ZNF469: variants seen among roughly 807,000 people sequenced by gnomAD.
ZNF469 encodes zinc finger protein 469.
A neutral mutation model predicts 1.0 loss-of-function variants in ZNF469; 1 was observed. The ratio of observed to expected loss-of-function variants is 1.00; its 90% CI spans 0.35 to 4.73. ZNF469 has a LOEUF of 4.73. Ranked by LOEUF, ZNF469 falls within the 30% of genes most tolerant of loss-of-function variation. The pLI is 0.16. For missense variants in ZNF469, 6,100 were observed against 5,356.3 expected (o/e 1.14, Z -4.33); for synonymous variants, 2,703 against 2,363.4 (o/e 1.14, Z -4.17).
At chr16:88,122,119 C>T in the ZNF469 span, among the ~76,000 whole-genome samples, 1 of 138,060 alleles carries the variant, frequency 7.2e-6, no homozygotes. Context: ...CTGTCACTCA[C>T]TGTGGCCACA....
the ZNF469 span, among the ~76,000 whole-genome samples, chr16:88,358,788 G>C: frequency 7.7e-3 from 1,160 of 151,070 alleles, 16 homozygotes; most frequent in African/African-American, 0.027. Flanking sequence ...GTGTGATCTC[G>C]GCTCACTGCA....
chr16:88,132,408 C>T, the ZNF469 span, among the ~76,000 whole-genome samples: 1 of 152,208 alleles, frequency 6.6e-6, no homozygotes, highest in East Asian at 1.9e-4. Flanking sequence ...TCAGCCCACC[C>T]AGAGCGCCGC....
rs1036681916 is a variant in ZNF469, at chr16:88,393,084, C to T, written c.-192+9830C>T. Among the ~76,000 whole-genome samples the T allele has an allele frequency of 5.9e-5, 9 of 152,400 alleles. No homozygotes were observed. In the East Asian group the frequency reaches 7.7e-4, roughly 13 times the overall value. ...TGCAATCTCAGTAAACATCTGGCCG[C>T]AGGGCCTGGCAGGAAGCTGACCTCG... On this transcript the variant is annotated intron_variant, in intron 1 of 2. Transcript: ENST00000565624.
the ZNF469 span, among the ~76,000 whole-genome samples, chr16:88,280,653 T>C: frequency 6.6e-6 from 1 of 151,400 alleles, no homozygotes; most frequent in Admixed American, 6.6e-5. Flanking sequence ...CATGGGTTAG[T>C]GTTGTGCCAC....
chr16:88,223,214 G>A, the ZNF469 span, among the ~76,000 whole-genome samples: 12 of 152,194 alleles, frequency 7.9e-5, no homozygotes, highest in Non-Finnish European at 1.8e-4. Context: ...GGAGAAAACT[G>A]AACCATGGGG....
the ZNF469 span, among the ~76,000 whole-genome samples, chr16:88,105,996 CA>C: frequency 1.3e-5 from 2 of 152,260 alleles, no homozygotes; most frequent in Non-Finnish European, 2.9e-5. Context: ...GGCACGGGCC[CA>C]GTAAGCTGCT....
chr16:88,311,227 A>G, the ZNF469 span, among the ~76,000 whole-genome samples: 1 of 152,220 alleles, frequency 6.6e-6, no homozygotes, highest in Admixed American at 6.5e-5. Flanking sequence ...TCAGGGGTCT[A>G]CATCATCAAC....
the ZNF469 span, among the ~76,000 whole-genome samples, chr16:88,180,198 A>T: frequency 6.6e-6 from 1 of 152,234 alleles, no homozygotes; most frequent in African/African-American, 2.4e-5. Context: ...CGAGACAAAT[A>T]CAAAATAAAT....
At chr16:88,249,520 T>TCCAC in the ZNF469 span, among the ~76,000 whole-genome samples, 1 of 133,392 alleles carries the variant, frequency 7.5e-6, no homozygotes, top group African/African-American at 2.8e-5. Context: ...CACTGCAAGC[T>TCCAC]CCACCTCCCT....
At chr16:88,299,252 A>G in the ZNF469 span, among the ~76,000 whole-genome samples, 1 of 143,278 alleles carries the variant, frequency 7.0e-6, no homozygotes, top group East Asian at 2.1e-4. Flanking sequence ...GCGGCGGGGT[A>G]GGCTTCCTGG....
chr16:88,368,663 G>T, the ZNF469 span, among the ~76,000 whole-genome samples: 978 of 151,990 alleles, frequency 6.4e-3, 10 homozygotes, highest in African/African-American at 0.023. Context: ...AGAGAGAGTG[G>T]CCTGGGAGAC....
the ZNF469 span, among the ~76,000 whole-genome samples, chr16:88,285,529 G>C: frequency 0.023 from 3,440 of 152,378 alleles, 123 homozygotes; most frequent in African/African-American, 0.077. Flanking sequence ...GCCTGGTCAC[G>C]AGGTGAGGCC....
the ZNF469 span, among the ~76,000 whole-genome samples, chr16:88,239,567 AAG>A: frequency 6.9e-6 from 1 of 145,152 alleles, no homozygotes; most frequent in Non-Finnish European, 1.5e-5. Flanking sequence ...GGCTCACTGC[AAG>A]CTCCGCCTCC....
the ZNF469 span, among the ~76,000 whole-genome samples, chr16:88,223,114 G>T: frequency 1.3e-5 from 2 of 152,318 alleles, no homozygotes; most frequent in East Asian, 3.9e-4. Flanking sequence ...CCCTAATAGG[G>T]GAGTGATATG....
At chr16:88,159,575 T>A in the ZNF469 span, among the ~76,000 whole-genome samples, 2 of 152,186 alleles carry the variant, frequency 1.3e-5, no homozygotes, top group African/African-American at 4.8e-5. Flanking sequence ...GGAGCAGCCC[T>A]TCCCCGCATT....
At chr16:88,413,762 A>G (rs772286055) in intron 1 of ZNF469, among the ~76,000 whole-genome samples, 2 of 152,098 alleles carry the variant, frequency 1.3e-5, no homozygotes, top group Non-Finnish European at 2.9e-5. Context: ...GGGACATCCC[A>G]GCTCCTGGGC....
the ZNF469 span, among the ~76,000 whole-genome samples, chr16:88,310,187 C>T: frequency 1.3e-5 from 2 of 152,034 alleles, no homozygotes; most frequent in African/African-American, 4.8e-5. Context: ...CTCTGCAGAA[C>T]CCTCAGATTA....
chr16:88,417,902 G>A (rs185316116), intron 1 of ZNF469, among the ~76,000 whole-genome samples: 6 of 152,208 alleles, frequency 3.9e-5, no homozygotes, highest in Middle Eastern at 3.2e-3. Context: ...ATGTGCTCAC[G>A]CGTGTGCATG....
At chr16:88,392,800 C>G (rs1904526173) in intron 1 of ZNF469, among the ~76,000 whole-genome samples, 1 of 152,210 alleles carries the variant, frequency 6.6e-6, no homozygotes. Context: ...CTTCAAAACC[C>G]ACCTCCAACA....
Sources: gnomAD v4.1 joint callset for allele counts (sites outside exome capture counted in the v4.1 genomes callset) on GRCh38, gnomAD v4.1.1 for gene constraint, MANE v1.5 for transcripts, NCBI Gene and HGNC (gene_info 2026-07-23, HGNC 2026-07-21) for gene names.